The following LINGO2 variants were observed in gnomAD, a reference collection of about 807,000 sequenced individuals.
LINGO2 encodes the protein leucine-rich repeat and immunoglobulin-like domain-containing nogo receptor-interacting protein 2.
A neutral mutation model predicts 30.6 loss-of-function variants in LINGO2; 14 were observed. That is an observed-to-expected ratio of 0.46 (90% CI 0.30 to 0.72). The LOEUF is 0.72. Ranked by LOEUF, LINGO2 falls within the 30% of genes least tolerant of loss-of-function variation. The pLI is 0.07. For synonymous variants in LINGO2, 317 were observed against 288.5 expected (o/e 1.10, Z -1.00); for missense variants, 729 against 751.7 (o/e 0.97, Z 0.35).
chr9:28,719,470 C>T, the LINGO2 span, among the ~76,000 whole-genome samples: 151 of 152,150 alleles, frequency 9.9e-4, no homozygotes, highest in African/African-American at 3.2e-3. Context: ...CCAAACTCAT[C>T]AGTGTACAAA....
chr9:28,091,637 T>C (rs1287368383), intron 4 of LINGO2, among the ~76,000 whole-genome samples: 1 of 152,112 alleles, frequency 6.6e-6, no homozygotes, highest in Non-Finnish European at 1.5e-5. Flanking sequence ...GACATAGACA[T>C]GGGCAAGGAC....
At chr9:28,497,944 G>A (rs1021302901) in intron 1 of LINGO2, among the ~76,000 whole-genome samples, 13 of 152,162 alleles carry the variant, frequency 8.5e-5, no homozygotes, top group Admixed American at 6.5e-4. Context: ...GTTTGCCTGG[G>A]TATCAGCAGC....
the LINGO2 span, among the ~76,000 whole-genome samples, chr9:28,945,792 ACATTGT>A: frequency 6.6e-6 from 1 of 152,190 alleles, no homozygotes. Flanking sequence ...TGATAACGGA[ACATTGT>A]CATACAGGTT....
the LINGO2 span, among the ~76,000 whole-genome samples, chr9:28,810,194 G>T: frequency 6.6e-6 from 1 of 152,154 alleles, no homozygotes; most frequent in South Asian, 2.1e-4. Flanking sequence ...GAACTATTTG[G>T]ATATTTTTAT....
intron 1 of LINGO2, among the ~76,000 whole-genome samples, chr9:28,636,243 T>A (rs1205454146): frequency 2.0e-5 from 3 of 152,196 alleles, no homozygotes; most frequent in Non-Finnish European, 4.4e-5. Context: ...TTTGGGTTGG[T>A]TTCAAGTCTT....
chr9:28,023,133 A>C lies in LINGO2; in HGVS notation c.-86-10728T>G, dbSNP rs574551149. On this transcript the variant is annotated intron_variant, in intron 4 of 5. Coordinates refer to ENST00000379992, the Ensembl canonical transcript of LINGO2. The stretch of plus-strand genomic sequence containing the variant: ...AGCTATTTTAAATTCCTTATCTGAT[A>C]ATTTGAAAATCTGTGTCACAGAATC... Among the ~76,000 whole-genome samples the C allele has an allele frequency of 8.0e-4, 122 of 152,254 alleles. 1 individual carries two copies. Among genetic ancestry groups the C allele is most frequent in the Non-Finnish European group, 1.4e-3 (98 of 68,010 alleles).
the LINGO2 span, among the ~76,000 whole-genome samples, chr9:28,936,792 G>C: frequency 2.0e-4 from 31 of 152,266 alleles, no homozygotes; most frequent in African/African-American, 7.2e-4. Context: ...GTATTTGTCA[G>C]CTTGAGCTGG....
At chr9:28,339,203 AAATAAAAT>A (rs68159530) in intron 3 of LINGO2, among the ~76,000 whole-genome samples, 33,474 of 152,012 alleles carry the variant, frequency 0.22, 4,465 homozygotes, top group Non-Finnish European at 0.3. Flanking sequence ...ATGATCTTAC[AAATAAAAT>A]TAATGGATTA....
At chr9:28,342,418 T>G (rs1030464238) in intron 3 of LINGO2, among the ~76,000 whole-genome samples, 3 of 152,150 alleles carry the variant, frequency 2.0e-5, no homozygotes. Flanking sequence ...CCCGCAATTA[T>G]GGAGATGTAC....
At chr9:28,769,801 G>A in the LINGO2 span, among the ~76,000 whole-genome samples, 1 of 150,356 alleles carries the variant, frequency 6.7e-6, no homozygotes, top group Non-Finnish European at 1.5e-5. Context: ...TTTTTGGCAT[G>A]CTTTCATTTC....
At chr9:28,547,675 T>C (rs533566234) in intron 1 of LINGO2, among the ~76,000 whole-genome samples, 36 of 152,072 alleles carry the variant, frequency 2.4e-4, no homozygotes, top group Non-Finnish European at 4.0e-4. Context: ...TAACAAAAGT[T>C]CAAATGGATC....
the LINGO2 span, among the ~76,000 whole-genome samples, chr9:29,032,070 C>T: frequency 6.6e-6 from 1 of 152,086 alleles, no homozygotes; most frequent in Non-Finnish European, 1.5e-5. Context: ...ACTTGGTAAA[C>T]AGCAAAAGGG....
At chr9:28,591,316 T>A (rs569576851) in intron 1 of LINGO2, among the ~76,000 whole-genome samples, 3 of 151,730 alleles carry the variant, frequency 2.0e-5, no homozygotes, top group African/African-American at 7.3e-5. Context: ...AATAAAAATA[T>A]ATATATATAA....
At chr9:29,197,930 G>T in the LINGO2 span, among the ~76,000 whole-genome samples, 2 of 152,088 alleles carry the variant, frequency 1.3e-5, no homozygotes, top group Admixed American at 1.3e-4. Context: ...GAAGGAACAT[G>T]AAATAGCTTT....
At chr9:28,647,354 C>T (rs957927429) in intron 1 of LINGO2, among the ~76,000 whole-genome samples, 2 of 152,076 alleles carry the variant, frequency 1.3e-5, no homozygotes, top group African/African-American at 2.4e-5. Flanking sequence ...AATAATATAT[C>T]CTTTTATTTC....
At chr9:27,977,654 A>G (rs919371835) in intron 5 of LINGO2, among the ~76,000 whole-genome samples, 8 of 151,942 alleles carry the variant, frequency 5.3e-5, no homozygotes, top group African/African-American at 2.4e-5. Flanking sequence ...CACATGTTAA[A>G]TATTTTACTA....
intron 1 of LINGO2, among the ~76,000 whole-genome samples, chr9:28,484,397 G>T (rs1227381226): frequency 6.6e-6 from 1 of 151,960 alleles, no homozygotes; most frequent in Non-Finnish European, 1.5e-5. Context: ...TTGCCCTCTA[G>T]AACTATACAA....
At chr9:28,308,910 T>A (rs1384227810) in intron 3 of LINGO2, among the ~76,000 whole-genome samples, 5 of 151,982 alleles carry the variant, frequency 3.3e-5, no homozygotes, top group African/African-American at 9.7e-5. Flanking sequence ...TAGAATGGCA[T>A]TCATTAAAAA....
intron 1 of LINGO2, among the ~76,000 whole-genome samples, chr9:28,499,281 G>T (rs2135307425): frequency 6.6e-6 from 1 of 152,284 alleles, no homozygotes; most frequent in East Asian, 1.9e-4. Context: ...TTAGGAAGTA[G>T]AAAGACCATC....
Sources: allele counts gnomAD v4.1 joint callset (sites outside exome capture counted in the v4.1 genomes callset), GRCh38; gene constraint gnomAD v4.1.1; transcripts MANE v1.5; gene names NCBI Gene and HGNC (gene_info 2026-07-23, HGNC 2026-07-21).